Variants in AGBL4 observed in about 807,000 individuals in gnomAD.
AGBL4 encodes AGBL carboxypeptidase 4, also known as cytosolic carboxypeptidase 6.
AGBL4 carries 58 observed loss-of-function variants against 66.4 expected under a neutral mutation model. The observed-to-expected ratio is 0.87, with a 90% CI of 0.71 to 1.09. The LOEUF is 1.09. Among genes scored for constraint, AGBL4 ranks in the 50% least tolerant of loss-of-function variants. The probability of loss-of-function intolerance (pLI) is 0.00; values close to 1 mark genes in which losing one functional copy is unlikely to be tolerated. For synonymous variants in AGBL4, 234 were observed against 222.9 expected (o/e 1.05, Z -0.44); for missense variants, 579 against 631.0 (o/e 0.92, Z 0.88).
At chr1:49,100,143 A>T (rs1261339301) in intron 4 of AGBL4, among the ~76,000 whole-genome samples, 1 of 152,164 alleles carries the variant, frequency 6.6e-6, no homozygotes, top group Non-Finnish European at 1.5e-5. Context: ...CTGCTGAAGG[A>T]GGAGAAAGAA....
chr1:49,063,472 C>T (rs1335416534), intron 4 of AGBL4, among the ~76,000 whole-genome samples: 1 of 152,146 alleles, frequency 6.6e-6, no homozygotes, highest in Non-Finnish European at 1.5e-5. Context: ...TGAAGCCACA[C>T]TGGAGTTTAG....
chr1:49,878,561 A>T (rs1647102993), intron 1 of AGBL4, among the ~76,000 whole-genome samples: 1 of 152,040 alleles, frequency 6.6e-6, no homozygotes, highest in African/African-American at 2.4e-5. Context: ...ACATTTGCTG[A>T]GGAGTGCTTT....
intron 1 of AGBL4, among the ~76,000 whole-genome samples, chr1:49,872,363 G>T (rs1409174038): frequency 1.3e-5 from 2 of 151,954 alleles, no homozygotes; most frequent in East Asian, 3.8e-4. Flanking sequence ...GGAGACACTG[G>T]TTATTTTACC....
chr1:49,613,005 G>C (rs929115881), intron 3 of AGBL4, among the ~76,000 whole-genome samples: 1 of 151,996 alleles, frequency 6.6e-6, no homozygotes, highest in African/African-American at 2.4e-5. Flanking sequence ...GTGGTGGACT[G>C]GATAAAGAAA....
chr1:48,769,806 A>G (rs1259178959), intron 6 of AGBL4, among the ~76,000 whole-genome samples: 1 of 152,180 alleles, frequency 6.6e-6, no homozygotes, highest in Non-Finnish European at 1.5e-5. Flanking sequence ...CATGCTATAG[A>G]TGAGCACCTG....
At chr1:49,361,966 T>A (rs569435626) in intron 3 of AGBL4, among the ~76,000 whole-genome samples, 100 of 152,276 alleles carry the variant, frequency 6.6e-4, no homozygotes, top group Non-Finnish European at 1.2e-3. Flanking sequence ...TCAAAACAGA[T>A]CTCTTTGATT....
chr1:49,065,490 T>C (rs1644476031), intron 4 of AGBL4, among the ~76,000 whole-genome samples: 1 of 152,210 alleles, frequency 6.6e-6, no homozygotes, highest in South Asian at 2.1e-4. Flanking sequence ...AGCTGAAGCA[T>C]AGGTTTCATG....
chr1:48,902,374 C>A (rs772650084), intron 5 of AGBL4, among the ~76,000 whole-genome samples: 31 of 152,130 alleles, frequency 2.0e-4, no homozygotes, highest in Non-Finnish European at 3.7e-4. Context: ...AGTGAGTTTA[C>A]AATGAACAGT....
At chr1:49,178,740 G>A (rs544269) in intron 4 of AGBL4, among the ~76,000 whole-genome samples, 151,505 of 152,316 alleles carry the variant, frequency 0.99, 75,350 homozygotes, top group Middle Eastern at 1. Context: ...TACTGGGGTT[G>A]AGTGAGCTGA....
intron 6 of AGBL4, among the ~76,000 whole-genome samples, chr1:48,673,956 A>G (rs574676664): frequency 6.6e-6 from 1 of 152,106 alleles, no homozygotes; most frequent in Non-Finnish European, 1.5e-5. Flanking sequence ...CCTGTAGCCC[A>G]TTTTCTGGCG....
chr1:49,882,020 G>T (rs1408214918), intron 1 of AGBL4, among the ~76,000 whole-genome samples: 1 of 151,996 alleles, frequency 6.6e-6, no homozygotes, highest in East Asian at 1.9e-4. Flanking sequence ...TATGGTTTTA[G>T]GTCTAACGTT....
At chr1:49,932,645 A>G in intron 1 of AGBL4, among the ~76,000 whole-genome samples, 1 of 152,222 alleles carries the variant, frequency 6.6e-6, no homozygotes, top group South Asian at 2.1e-4. Flanking sequence ...CAAAACTCAA[A>G]AATAAGAAAG....
rs559627728 is a variant in AGBL4, at chr1:50,021,610, G to T, written c.34+2153C>A. 2.2e-4 allele frequency among the ~76,000 whole-genome samples: 34 copies of T among 152,198 alleles called. 1 individual carries two copies. In the South Asian group the frequency reaches 6.8e-3, roughly 31 times the overall value. On this transcript the variant is annotated intron_variant, in intron 1 of 13. Transcript: ENST00000371839. ...CTCCATCATCCTCATATTTCACTAA[G>T]TCCTATTAATTTTATCTCCTAAGTA... is the stretch of plus-strand genomic sequence containing the variant.
chr1:49,070,439 G>GCTA (rs1458414252), intron 4 of AGBL4, among the ~76,000 whole-genome samples: 5 of 151,914 alleles, frequency 3.3e-5, no homozygotes, highest in Non-Finnish European at 7.3e-5. Flanking sequence ...TTTTTAGCAT[G>GCTA]AAGGGCTGTT....
intron 3 of AGBL4, among the ~76,000 whole-genome samples, chr1:49,585,105 ATTATAG>A (rs995241300): frequency 1.3e-5 from 2 of 152,200 alleles, no homozygotes; most frequent in South Asian, 2.1e-4. Context: ...CATTTCACCT[ATTATAG>A]TTAGAGTTAA....
At chr1:50,009,186 T>C (rs1156393288) in intron 1 of AGBL4, among the ~76,000 whole-genome samples, 3 of 151,986 alleles carry the variant, frequency 2.0e-5, no homozygotes, top group South Asian at 2.1e-4. Context: ...AAGACACATC[T>C]AGGGAAAAAC....
intron 1 of AGBL4, among the ~76,000 whole-genome samples, chr1:49,888,375 G>T (rs1557550811): frequency 6.6e-6 from 1 of 152,002 alleles, no homozygotes; most frequent in East Asian, 1.9e-4. Context: ...TCCATTTCAG[G>T]TATCACATTT....
chr1:49,586,612 T>C (rs900621998), intron 3 of AGBL4, among the ~76,000 whole-genome samples: 1 of 152,020 alleles, frequency 6.6e-6, no homozygotes, highest in Non-Finnish European at 1.5e-5. Flanking sequence ...ATGAACATAG[T>C]ATCTAGCATG....
chr1:49,024,621 G>A (rs1663500828), intron 5 of AGBL4, among the ~76,000 whole-genome samples: 1 of 152,178 alleles, frequency 6.6e-6, no homozygotes, highest in Non-Finnish European at 1.5e-5. Flanking sequence ...AGGTTTGACT[G>A]AGAAAATAAA....
Sources: allele counts gnomAD v4.1 joint callset (sites outside exome capture counted in the v4.1 genomes callset), GRCh38; gene constraint gnomAD v4.1.1; transcripts MANE v1.5; gene names NCBI Gene and HGNC (gene_info 2026-07-23, HGNC 2026-07-21).